The following CADM2 variants were observed in gnomAD, a reference collection of about 807,000 sequenced individuals.
The protein encoded by CADM2 is immunoglobulin superfamily member 4D.
CADM2 carries 12 observed loss-of-function variants against 49.8 expected under a neutral mutation model. That is an observed-to-expected ratio of 0.24 (90% CI 0.15 to 0.39). The LOEUF is 0.39. CADM2 is among the 10% of genes least tolerant of loss of function. The pLI is 1.00. For missense variants in CADM2, 378 were observed against 492.3 expected (o/e 0.77, Z 2.20); for synonymous variants, 214 against 175.4 (o/e 1.22, Z -1.74).
intron 1 of CADM2, among the ~76,000 whole-genome samples, chr3:85,081,363 G>A (rs1320940314): frequency 1.3e-5 from 2 of 152,118 alleles, no homozygotes; most frequent in Non-Finnish European, 2.9e-5. Context: ...ACTGCTCAGA[G>A]CGCATATGAC....
intron 1 of CADM2, among the ~76,000 whole-genome samples, chr3:85,492,704 T>C (rs1005818476): frequency 1.3e-5 from 2 of 152,238 alleles, no homozygotes; most frequent in Non-Finnish European, 2.9e-5. Context: ...GCAAAGATAA[T>C]ATTTATCATT....
chr3:85,384,999 G>C (rs558424560), intron 1 of CADM2, among the ~76,000 whole-genome samples: 1 of 152,016 alleles, frequency 6.6e-6, no homozygotes, highest in African/African-American at 2.4e-5. Flanking sequence ...GTAGTGGTGT[G>C]ATCTTGGCTC....
chr3:85,508,154 T>G (rs2107680387), intron 1 of CADM2, among the ~76,000 whole-genome samples: 1 of 152,328 alleles, frequency 6.6e-6, no homozygotes, highest in African/African-American at 2.4e-5. Context: ...CCTATTTCGC[T>G]TCAGAAATAG....
intron 8 of CADM2, among the ~76,000 whole-genome samples, chr3:85,982,117 A>AT (rs1395581261): frequency 6.6e-6 from 1 of 151,552 alleles, no homozygotes; most frequent in African/African-American, 2.4e-5. Flanking sequence ...GATGTTGAGC[A>AT]TTTTTTCATA....
intron 3 of CADM2, among the ~76,000 whole-genome samples, chr3:85,867,957 A>G (rs1185339338): frequency 6.6e-6 from 1 of 152,060 alleles, no homozygotes; most frequent in African/African-American, 2.4e-5. Context: ...CACAGTCTAA[A>G]CAAGTGAATC....
At chr3:86,013,132 T>C (rs1731763117) in intron 8 of CADM2, 1 of 1,337,600 alleles carries the variant, frequency 7.5e-7, no homozygotes, top group Non-Finnish European at 1.1e-6. Flanking sequence ...ACAAACCACG[T>C]AAGTAGACAC....
intron 8 of CADM2, among the ~76,000 whole-genome samples, chr3:86,040,609 G>T (rs975073046): frequency 6.6e-6 from 1 of 152,178 alleles, no homozygotes. Context: ...CGTCTGATTT[G>T]TGTACCTGAA....
chr3:85,059,584 A>G (rs956352894), intron 1 of CADM2, among the ~76,000 whole-genome samples: 2 of 152,108 alleles, frequency 1.3e-5, no homozygotes, highest in African/African-American at 2.4e-5. Context: ...CACAATTCCC[A>G]TATGTTGTGG....
rs1330813107 is a variant in CADM2 at position 85,373,963 on chromosome 3, G to C, written c.62-352559G>C. 2.0e-5 allele frequency among the ~76,000 whole-genome samples: 3 copies of C among 152,148 alleles called. No homozygotes were observed. In the East Asian group the frequency reaches 5.8e-4, roughly 29 times the overall value. ...GACTTGGGATGGGAGGGGCTGCTGT[G>C]AAGACCTCTGTCATGCCCTGTAGAC... is the stretch of plus-strand genomic sequence containing the variant. On this transcript the variant is annotated intron_variant, in intron 1 of 9. Coordinates refer to ENST00000383699, the MANE Select transcript of CADM2 (RefSeq NM_001167675.2).
intron 1 of CADM2, among the ~76,000 whole-genome samples, chr3:85,356,390 A>C (rs1440584454): frequency 6.6e-6 from 1 of 152,096 alleles, no homozygotes; most frequent in Non-Finnish European, 1.5e-5. Flanking sequence ...ACTATTGAGA[A>C]ACATTTGTAG....
At chr3:85,511,385 TTA>T (rs1576686786) in intron 1 of CADM2, among the ~76,000 whole-genome samples, 1 of 152,148 alleles carries the variant, frequency 6.6e-6, no homozygotes, top group Admixed American at 6.6e-5. Context: ...ACATACTTTG[TTA>T]TTTCCACTGC....
At chr3:85,844,440 T>G (rs765025660) in intron 3 of CADM2, among the ~76,000 whole-genome samples, 1 of 152,146 alleles carries the variant, frequency 6.6e-6, no homozygotes, top group Non-Finnish European at 1.5e-5. Flanking sequence ...CTGCTGTAGC[T>G]TTAAGGGGAT....
intron 2 of CADM2, among the ~76,000 whole-genome samples, chr3:85,737,562 C>CT (rs3044022): frequency 0.011 from 1,566 of 141,738 alleles, 47 homozygotes; most frequent in African/African-American, 0.031. Context: ...TCTTTTCTTT[C>CT]TTTTTTTTTT....
chr3:84,997,526 T>A (rs1268513330), intron 1 of CADM2, among the ~76,000 whole-genome samples: 1 of 152,020 alleles, frequency 6.6e-6, no homozygotes, highest in African/African-American at 2.4e-5. Context: ...TGTTGGCTAT[T>A]TCTTATGAAA....
chr3:85,404,575 G>GAA (rs199894322), intron 1 of CADM2, among the ~76,000 whole-genome samples: 1 of 151,762 alleles, frequency 6.6e-6, no homozygotes, highest in Admixed American at 6.6e-5. Flanking sequence ...TTAATTTCAG[G>GAA]AAAAATAATC....
intron 1 of CADM2, among the ~76,000 whole-genome samples, chr3:85,686,925 G>A (rs1470391885): frequency 6.6e-6 from 1 of 152,096 alleles, no homozygotes; most frequent in Non-Finnish European, 1.5e-5. Flanking sequence ...GTTGATTGAT[G>A]TCTAATGACT....
At chr3:85,379,087 A>C (rs1324944611) in intron 1 of CADM2, among the ~76,000 whole-genome samples, 1 of 151,918 alleles carries the variant, frequency 6.6e-6, no homozygotes, top group Non-Finnish European at 1.5e-5. Context: ...ACATTAGGTA[A>C]ATCAAGCACC....
In CADM2 at chr3:86,045,737, G is replaced by T. The variant is rs531553678; in HGVS notation, c.971-19868G>T. Among the ~76,000 whole-genome samples, 94 of 152,042 alleles carry T rather than the reference G, an allele frequency of 6.2e-4. 2 individuals carry two copies. Among genetic ancestry groups the T allele is most frequent in the Admixed American group, 1.3e-3 (20 of 15,252 alleles). On this transcript the variant is annotated intron_variant, in intron 8 of 9. Coordinates refer to ENST00000383699, the MANE Select transcript of CADM2 (RefSeq NM_001167675.2). ...ATTTTCTCCCCAGTAATAATAATAA[G>T]AACAATAACAACACTAATATAAACA...
intron 6 of CADM2, among the ~76,000 whole-genome samples, chr3:85,932,275 G>A (rs1284386938): frequency 6.6e-6 from 1 of 152,152 alleles, no homozygotes; most frequent in Non-Finnish European, 1.5e-5. Flanking sequence ...AGAGCTCTCT[G>A]AAGGAGAAAC....
Sources: gnomAD v4.1 joint callset for allele counts (sites outside exome capture counted in the v4.1 genomes callset) on GRCh38, gnomAD v4.1.1 for gene constraint, MANE v1.5 for transcripts, NCBI Gene and HGNC (gene_info 2026-07-23, HGNC 2026-07-21) for gene names.